TBC1D19: variants seen among roughly 807,000 people sequenced by gnomAD.
TBC1D19 encodes TBC1 domain family, member 19.
Under a neutral mutation model 89.0 loss-of-function variants are expected in TBC1D19, and 60 were observed. The ratio of observed to expected loss-of-function variants is 0.67; its 90% CI spans 0.55 to 0.84. The LOEUF is 0.84. Ranked by LOEUF, TBC1D19 falls within the 40% of genes least tolerant of loss-of-function variation. The pLI, the probability that TBC1D19 is intolerant of heterozygous loss-of-function variation, is 0.00. For missense variants in TBC1D19, 500 were observed against 610.8 expected (o/e 0.82, Z 1.91); for synonymous variants, 189 against 199.7 (o/e 0.95, Z 0.45).
chr4:26,804,091 AC>A, the TBC1D19 span, among the ~76,000 whole-genome samples: 1 of 151,024 alleles, frequency 6.6e-6, no homozygotes, highest in Non-Finnish European at 1.5e-5. Context: ...AGAAACAGAA[AC>A]AAAAAAAAAA....
At chr4:26,624,291 G>A (rs1254426796) in intron 4 of TBC1D19, among the ~76,000 whole-genome samples, 2 of 152,144 alleles carry the variant, frequency 1.3e-5, no homozygotes, top group African/African-American at 4.8e-5. Flanking sequence ...TGTTGAAAGG[G>A]ATCTCTCTCT....
the TBC1D19 span, among the ~76,000 whole-genome samples, chr4:26,855,960 T>A: frequency 1.9e-4 from 29 of 152,274 alleles, 1 homozygote; most frequent in African/African-American, 7.0e-4. Flanking sequence ...ATTATCTCAC[T>A]GACTTAACCT....
At position 26,738,825 on chromosome 4, in the gene TBC1D19, G is replaced by T. The variant is rs1202243854; in HGVS notation, c.1118-1039G>T. On this transcript the variant is annotated intron_variant, in intron 16 of 20. Transcript: ENST00000264866. ...GAAAATTGAACTTTTGTGTTTGAAA[G>T]AATTTAAAATATTTTACTATTTTTC... Among the ~76,000 whole-genome samples the T allele has an allele frequency of 2.6e-5, 4 of 152,084 alleles. No individual in the cohort carries two copies. In the East Asian group the frequency reaches 7.7e-4, roughly 29 times the overall value.
chr4:26,796,708 A>G, the TBC1D19 span, among the ~76,000 whole-genome samples: 20 of 152,126 alleles, frequency 1.3e-4, no homozygotes, highest in Non-Finnish European at 2.6e-4. Context: ...AAAATAATGA[A>G]AATAAAAGTA....
upstream of TBC1D19, chr4:26,583,958 C>T (rs1303219255): frequency 5.5e-6 from 3 of 548,132 alleles, no homozygotes; most frequent in African/African-American, 3.8e-5. Flanking sequence ...TGAAAAGCGT[C>T]CTCCCCGCCC....
chr4:26,842,432 A>G, the TBC1D19 span, among the ~76,000 whole-genome samples: 13 of 137,134 alleles, frequency 9.5e-5, no homozygotes, highest in Middle Eastern at 0.013. Context: ...GCAGCCTCCA[A>G]CTCCTGGGCA....
intron 4 of TBC1D19, among the ~76,000 whole-genome samples, chr4:26,636,744 G>C (rs1176831944): frequency 6.6e-6 from 1 of 151,964 alleles, no homozygotes; most frequent in Non-Finnish European, 1.5e-5. Context: ...CTAAGAATAT[G>C]CATGCTGATG....
intron 1 of TBC1D19, among the ~76,000 whole-genome samples, chr4:26,594,282 T>C (rs2109961236): frequency 6.6e-6 from 1 of 152,058 alleles, no homozygotes; most frequent in Non-Finnish European, 1.5e-5. Flanking sequence ...TAGGTGGGAA[T>C]TGAACAATGA....
chr4:26,811,285 C>T, the TBC1D19 span, among the ~76,000 whole-genome samples: 10 of 152,220 alleles, frequency 6.6e-5, no homozygotes, highest in African/African-American at 2.4e-4. Context: ...TGTTCTCACT[C>T]ATAAGCAGGA....
Position 26,659,697 on chromosome 4 carries a change from T to C in TBC1D19, c.581T>C (p.Ile194Thr), listed in dbSNP as rs756272376. The stretch of plus-strand genomic sequence containing the variant: ...CAAGTTCCACTGAAAGTAAAAGACA[T>C]CCCTGAATTGGTAAGTATAGAAACT... ...LIQVPLKVKD[I>T]PELKECFVEL... is the part of the protein sequence containing the mutation. The change falls in exon 8 of 21, where the codon ATC (isoleucine) becomes ACC (threonine). Residue 194 changes from isoleucine (I) to threonine (T), a missense_variant. Around this residue, in one of 2 missense-constraint regions of TBC1D19, gnomAD observed 280 missense variants for 291.7 expected, o/e 0.96. Coordinates refer to ENST00000264866, the MANE Select transcript of TBC1D19 (RefSeq NM_018317.4). 2.5e-6 allele frequency: 4 copies of C among 1,573,058 alleles called. No homozygotes were observed. The highest frequency in any genetic ancestry group is 1.7e-5 in the Admixed American group (1 of 59,458).
chr4:26,596,081 A>G (rs1740191305), intron 1 of TBC1D19, among the ~76,000 whole-genome samples: 1 of 151,852 alleles, frequency 6.6e-6, no homozygotes, highest in South Asian at 2.1e-4. Flanking sequence ...CTCAGCCTCT[A>G]GAGTAGCTGG....
the TBC1D19 span, among the ~76,000 whole-genome samples, chr4:26,823,145 T>C: frequency 6.6e-6 from 1 of 152,182 alleles, no homozygotes; most frequent in Admixed American, 6.5e-5. Flanking sequence ...GCAAGTCACA[T>C]CTTACATGGA....
At chr4:26,703,536 G>T (rs770243786) in intron 13 of TBC1D19, among the ~76,000 whole-genome samples, 3 of 152,130 alleles carry the variant, frequency 2.0e-5, no homozygotes, top group Non-Finnish European at 2.9e-5. Flanking sequence ...AATATTCCTG[G>T]CCATGTTCTT....
At chr4:26,837,265 G>A in the TBC1D19 span, among the ~76,000 whole-genome samples, 2,800 of 152,278 alleles carry the variant, frequency 0.018, 89 homozygotes, top group African/African-American at 0.064. Context: ...ACTGAGGCCT[G>A]AGTCAAGTGC....
At chr4:26,840,022 G>T in the TBC1D19 span, among the ~76,000 whole-genome samples, 1 of 151,964 alleles carries the variant, frequency 6.6e-6, no homozygotes, top group Non-Finnish European at 1.5e-5. Flanking sequence ...TTTTTTTAAA[G>T]AAAACTTGGT....
the TBC1D19 span, among the ~76,000 whole-genome samples, chr4:26,768,628 A>T: frequency 1.3e-5 from 2 of 152,148 alleles, no homozygotes; most frequent in Admixed American, 6.6e-5. Flanking sequence ...TTAAGTAGAG[A>T]CATGGAAGAT....
At chr4:26,644,746 G>T (rs1470089297) in intron 7 of TBC1D19, among the ~76,000 whole-genome samples, 1 of 152,144 alleles carries the variant, frequency 6.6e-6, no homozygotes, top group African/African-American at 2.4e-5. Flanking sequence ...AAATCAATGT[G>T]CAAAAATCAC....
At chr4:26,756,255 T>C (rs1383345539), downstream of TBC1D19, among the ~76,000 whole-genome samples, 5 of 152,236 alleles carry the variant, frequency 3.3e-5, no homozygotes, top group African/African-American at 9.6e-5. Flanking sequence ...TGTCATTCTT[T>C]GTTTGCAAAT....
chr4:26,639,108 G>A (rs1051945276), intron 6 of TBC1D19, among the ~76,000 whole-genome samples: 1 of 152,164 alleles, frequency 6.6e-6, no homozygotes, highest in African/African-American at 2.4e-5. Context: ...GAGTACAGTA[G>A]CATGATCACA....
Sources: gnomAD v4.1 joint callset for allele counts (sites outside exome capture counted in the v4.1 genomes callset) on GRCh38, gnomAD v4.1.1 for gene constraint, gnomAD v4.1.1 regional missense constraint, MANE v1.5 for transcripts, NCBI Gene and HGNC (gene_info 2026-07-23, HGNC 2026-07-21) for gene names.